Variants in UNC13C observed in about 807,000 individuals in gnomAD.
The protein encoded by UNC13C is unc-13 homolog C, also known as protein unc-13 homolog C.
A neutral mutation model predicts 245.4 loss-of-function variants in UNC13C; 174 were observed. That is an observed-to-expected ratio of 0.71 (90% CI 0.63 to 0.80). The LOEUF (loss-of-function observed/expected upper bound fraction) is 0.80, where lower values mean the gene tolerates loss of function less well. Among genes scored for constraint, UNC13C ranks in the 30% least tolerant of loss-of-function variants. The pLI is 0.00. For missense variants in UNC13C, 2,829 were observed against 2,602.9 expected, an observed-to-expected ratio of 1.09 and a Z score of -1.89; for synonymous variants, 992 against 895.1, an observed-to-expected ratio of 1.11 and a Z score of -1.93.
At chr15:54,417,173 A>T (rs1434031800) in intron 19 of UNC13C, 1 of 342,406 alleles carries the variant, frequency 2.9e-6, no homozygotes, top group Non-Finnish European at 5.7e-6. Flanking sequence ...ACATATCTAC[A>T]TTGCCTATAA....
At chr15:53,986,622 A>C (rs1024609776) in intron 1 of UNC13C, among the ~76,000 whole-genome samples, 1 of 152,098 alleles carries the variant, frequency 6.6e-6, no homozygotes. Context: ...TAAAAATTAT[A>C]CAGTACCAAG....
chr15:54,618,395 C>G (rs1851000), intron 30 of UNC13C, among the ~76,000 whole-genome samples: 96,958 of 152,082 alleles, frequency 0.64, 31,703 homozygotes, highest in Middle Eastern at 0.71. Flanking sequence ...TATGGATTTA[C>G]AATAAGCAAG....
At chr15:54,213,912 A>G (rs374855616) in intron 4 of UNC13C, among the ~76,000 whole-genome samples, 5 of 152,172 alleles carry the variant, frequency 3.3e-5, no homozygotes, top group Admixed American at 1.3e-4. Flanking sequence ...AGCCAAAGGC[A>G]TTGAGATCAC....
In UNC13C at chr15:54,278,234, C is replaced by T. The variant is rs559432328; in HGVS notation, c.3818+12738C>T. Among the ~76,000 whole-genome samples the T allele has an allele frequency of 2.0e-5, 3 of 152,214 alleles. No homozygotes were observed. In the South Asian group the frequency reaches 6.2e-4, roughly 32 times the overall value. On this transcript the variant is annotated intron_variant, in intron 10 of 32. Coordinates refer to ENST00000260323, the MANE Select transcript of UNC13C (RefSeq NM_001080534.3). ...TCTTACCCTTTTTCTTTATCAGCCA[C>T]TCCTTATGAGTATGGATCTTGTGAT...
At chr15:54,487,731 C>T in intron 19 of UNC13C, among the ~76,000 whole-genome samples, 1 of 136,464 alleles carries the variant, frequency 7.3e-6, no homozygotes. Context: ...TGTGCCACTG[C>T]ACTCCAGCCT....
At chr15:54,001,111 T>C (rs992465859) in intron 1 of UNC13C, among the ~76,000 whole-genome samples, 3 of 152,162 alleles carry the variant, frequency 2.0e-5, no homozygotes, top group African/African-American at 7.2e-5. Context: ...GCTGAGCAGG[T>C]TGGTGATAGT....
At chr15:54,347,577 A>T (rs192289872) in intron 17 of UNC13C, among the ~76,000 whole-genome samples, 2 of 152,336 alleles carry the variant, frequency 1.3e-5, no homozygotes. Flanking sequence ...AAAAACAGGA[A>T]CAAACGAAAG....
intron 24 of UNC13C, among the ~76,000 whole-genome samples, chr15:54,514,135 T>A (rs1894869350): frequency 6.6e-6 from 1 of 152,216 alleles, no homozygotes; most frequent in South Asian, 2.1e-4. Flanking sequence ...AATATTGTTG[T>A]ATAAACATGG....
intron 25 of UNC13C, among the ~76,000 whole-genome samples, chr15:54,531,726 G>A (rs1039094101): frequency 6.6e-6 from 1 of 151,796 alleles, no homozygotes; most frequent in African/African-American, 2.4e-5. Flanking sequence ...CAGGTGAGTG[G>A]TTTCTAGCAT....
intron 23 of UNC13C, among the ~76,000 whole-genome samples, chr15:54,509,308 A>G (rs1377874307): frequency 6.6e-6 from 1 of 152,258 alleles, no homozygotes; most frequent in Non-Finnish European, 1.5e-5. Context: ...TTTGTTTTCT[A>G]CTGTAACATT....
intron 29 of UNC13C, among the ~76,000 whole-genome samples, chr15:54,563,226 C>G (rs1897368293): frequency 6.6e-6 from 1 of 152,014 alleles, no homozygotes; most frequent in Non-Finnish European, 1.5e-5. Flanking sequence ...CAACTTTAAG[C>G]TTCAGCTCAA....
At chr15:54,478,107 G>A (rs537635123) in intron 19 of UNC13C, among the ~76,000 whole-genome samples, 1 of 151,680 alleles carries the variant, frequency 6.6e-6, no homozygotes, top group Non-Finnish European at 1.5e-5. Flanking sequence ...AGAGGTGTTT[G>A]TAGTATTCTC....
chr15:54,150,204 T>C (rs1253648739), intron 4 of UNC13C, among the ~76,000 whole-genome samples: 2 of 152,242 alleles, frequency 1.3e-5, no homozygotes, highest in African/African-American at 2.4e-5. Flanking sequence ...TTTAACAAGA[T>C]TCTTATCCTC....
the UNC13C span, among the ~76,000 whole-genome samples, chr15:53,851,503 C>G: frequency 6.6e-6 from 1 of 152,156 alleles, no homozygotes; most frequent in African/African-American, 2.4e-5. Context: ...GCCCCTGTTA[C>G]AGTAAACAGA....
chr15:54,219,990 C>G (rs868675674), intron 4 of UNC13C, among the ~76,000 whole-genome samples: 2 of 137,294 alleles, frequency 1.5e-5, no homozygotes, highest in African/African-American at 6.2e-5. Context: ...ACTTTTACAC[C>G]GTTGGTGGGA....
intron 19 of UNC13C, among the ~76,000 whole-genome samples, chr15:54,424,166 A>G (rs2140964668): frequency 6.6e-6 from 1 of 151,990 alleles, no homozygotes; most frequent in South Asian, 2.1e-4. Flanking sequence ...ATGAATCACA[A>G]GCCCAACAAT....
At chr15:54,500,369 AAATC>A (rs1166608712) in intron 21 of UNC13C, among the ~76,000 whole-genome samples, 194 bp downstream of exon 21, 2 of 151,920 alleles carry the variant, frequency 1.3e-5, no homozygotes, top group Non-Finnish European at 2.9e-5. Flanking sequence ...AAAAAAAAAA[AAATC>A]AATCACCCAT....
At chr15:53,898,009 G>A in the UNC13C span, among the ~76,000 whole-genome samples, 1 of 152,220 alleles carries the variant, frequency 6.6e-6, no homozygotes, top group East Asian at 1.9e-4. Context: ...AAACCTTGCT[G>A]AGCACTGGCA....
intron 30 of UNC13C, among the ~76,000 whole-genome samples, chr15:54,620,292 GGA>G: frequency 6.6e-6 from 1 of 152,032 alleles, no homozygotes; most frequent in African/African-American, 2.4e-5. Context: ...GTGTATAAAT[GGA>G]AGACCGCCGA....
Sources: gnomAD v4.1 joint callset for allele counts (sites outside exome capture counted in the v4.1 genomes callset) on GRCh38, gnomAD v4.1.1 for gene constraint, MANE v1.5 for transcripts, NCBI Gene and HGNC (gene_info 2026-07-23, HGNC 2026-07-21) for gene names.